MAP3K7CL: variants seen among roughly 807,000 people sequenced by gnomAD.
MAP3K7CL encodes MAP3K7 C-terminal like.
In MAP3K7CL, 16 loss-of-function variants were observed where a neutral mutation model predicts 18.6. The ratio of observed to expected loss-of-function variants is 0.86; its 90% CI spans 0.58 to 1.31. MAP3K7CL has a LOEUF of 1.31. MAP3K7CL is among the 50% of genes most tolerant of loss of function. The pLI, the probability that MAP3K7CL is intolerant of heterozygous loss-of-function variation, is 0.00. For missense variants in MAP3K7CL, 163 were observed against 174.4 expected (o/e 0.93, Z 0.37); for synonymous variants, 65 against 66.8 (o/e 0.97, Z 0.13).
intron 1 of MAP3K7CL, 63 bp from the exon 2 acceptor site, chr21:29,133,243 C>T: frequency 2.4e-6 from 3 of 1,246,056 alleles, no homozygotes; most frequent in South Asian, 2.8e-5. Flanking sequence ...TTTCCAAGGG[C>T]CTCTGAGTAT....
chr21:29,101,188 G>A (rs1309030801), intron 4 of MAP3K7CL, among the ~76,000 whole-genome samples: 1 of 152,130 alleles, frequency 6.6e-6, no homozygotes, highest in Non-Finnish European at 1.5e-5. Context: ...CTACTACAAA[G>A]CTGCATGATA....
intron 3 of MAP3K7CL, among the ~76,000 whole-genome samples, chr21:29,153,633 G>A (rs1235238832): frequency 1.3e-5 from 2 of 152,060 alleles, no homozygotes; most frequent in African/African-American, 4.8e-5. Flanking sequence ...ATTTTTTGTA[G>A]AGATGGGGTT....
At chr21:29,119,127 C>A (rs2086551514) in intron 4 of MAP3K7CL, among the ~76,000 whole-genome samples, 1 of 152,216 alleles carries the variant, frequency 6.6e-6, no homozygotes, top group African/African-American at 2.4e-5. Flanking sequence ...ACACAAATAC[C>A]CTTTCTCTGC....
chr21:29,141,487 T>C (rs976179630), intron 2 of MAP3K7CL, among the ~76,000 whole-genome samples: 5 of 149,252 alleles, frequency 3.4e-5, no homozygotes, highest in African/African-American at 1.2e-4. Flanking sequence ...CACTCCAGCC[T>C]GGGTGACACA....
chr21:29,089,704 A>G (rs2085988852), intron 1 of MAP3K7CL, among the ~76,000 whole-genome samples: 1 of 152,220 alleles, frequency 6.6e-6, no homozygotes, highest in South Asian at 2.1e-4. Flanking sequence ...ATAAATCTCT[A>G]GGCTGAGTTT....
chr21:29,173,601 C>G (rs1466045234), intron 4 of MAP3K7CL, among the ~76,000 whole-genome samples: 2 of 152,192 alleles, frequency 1.3e-5, no homozygotes, highest in African/African-American at 4.8e-5. Context: ...TAGATTTTGT[C>G]TAGGTTAGGA....
At chr21:29,112,037 C>G (rs868061265) in intron 4 of MAP3K7CL, among the ~76,000 whole-genome samples, 41 of 152,276 alleles carry the variant, frequency 2.7e-4, no homozygotes, top group African/African-American at 8.7e-4. Flanking sequence ...TGGCTCACAC[C>G]TGTAATCCCA....
intron 1 of MAP3K7CL, among the ~76,000 whole-genome samples, chr21:29,088,289 T>A (rs1035218732): frequency 2.6e-5 from 4 of 152,208 alleles, no homozygotes; most frequent in Non-Finnish European, 4.4e-5. Flanking sequence ...AATGTAACCA[T>A]AAGAAAAAGC....
intron 4 of MAP3K7CL, among the ~76,000 whole-genome samples, chr21:29,108,536 T>TA (rs951006133): frequency 7.9e-5 from 12 of 152,168 alleles, no homozygotes; most frequent in Admixed American, 2.0e-4. Flanking sequence ...CAGTAGTATA[T>TA]AAAAAAATAC....
chr21:29,096,257 T>A (rs1267915508), intron 4 of MAP3K7CL, among the ~76,000 whole-genome samples: 1 of 152,210 alleles, frequency 6.6e-6, no homozygotes. Flanking sequence ...AAAATATACC[T>A]TAGGTGCGTA....
At chr21:29,134,772 G>A (rs536309764) in intron 2 of MAP3K7CL, among the ~76,000 whole-genome samples, 3 of 152,074 alleles carry the variant, frequency 2.0e-5, no homozygotes, top group Non-Finnish European at 4.4e-5. Context: ...CCATGCAGCC[G>A]GGCACGGTGG....
chr21:29,167,478 C>T (rs2087717582), intron 4 of MAP3K7CL, among the ~76,000 whole-genome samples: 1 of 151,812 alleles, frequency 6.6e-6, no homozygotes, highest in Non-Finnish European at 1.5e-5. Flanking sequence ...AAAATTAGTG[C>T]AATTTTGATT....
At position 29,109,240 on chromosome 21, in the gene MAP3K7CL, GA is replaced by G. The variant is rs2086378341; in HGVS notation, c.370+16662del. ...AAGTGCTATGAGCTCCGAGGAAGAAGAAATTCCATATATACAACCAGATAGT... is the reference window on the plus strand; with the variant it reads ...AAGTGCTATGAGCTCCGAGGAAGAAGAATTCCATATATACAACCAGATAGT... On this transcript the variant is annotated intron_variant, in intron 4 of 6. Coordinates refer to the MAP3K7CL transcript ENST00000286791. 2.0e-6 allele frequency: 3 copies of G among 1,535,102 alleles called. No individual in the cohort carries two copies. The African/African-American group carries it at 4.1e-5, about 21-fold the overall frequency.
chr21:29,109,112 C>A (rs1038906234), intron 4 of MAP3K7CL: 1 of 1,535,180 alleles, frequency 6.5e-7, no homozygotes, highest in African/African-American at 1.4e-5. Flanking sequence ...ATTATGAAGA[C>A]CACCTGGGCC....
intron 1 of MAP3K7CL, among the ~76,000 whole-genome samples, chr21:29,087,471 C>G (rs2085944087): frequency 6.6e-6 from 1 of 151,984 alleles, no homozygotes; most frequent in South Asian, 2.1e-4. Context: ...AATGAATGAA[C>G]CTCAGTTTTT....
intron 4 of MAP3K7CL, among the ~76,000 whole-genome samples, chr21:29,099,876 G>T (rs1306656769): frequency 6.6e-6 from 1 of 152,056 alleles, no homozygotes; most frequent in East Asian, 1.9e-4. Context: ...GAGGTCAGGA[G>T]ATCGACACCA....
intron 4 of MAP3K7CL, among the ~76,000 whole-genome samples, chr21:29,117,016 G>A (rs1031920264): frequency 3.3e-5 from 5 of 152,094 alleles, no homozygotes; most frequent in African/African-American, 1.2e-4. Flanking sequence ...TTATTGTCAT[G>A]CTCACCTTGA....
At chr21:29,085,850 A>G, upstream of MAP3K7CL, 1 of 1,614,116 alleles carries the variant, frequency 6.2e-7, no homozygotes, top group Non-Finnish European at 8.5e-7. Flanking sequence ...ACTGTCATGC[A>G]AAGCGACTAG....
intron 4 of MAP3K7CL, among the ~76,000 whole-genome samples, chr21:29,174,061 A>G (rs60268053): frequency 0.03 from 4,499 of 152,274 alleles, 226 homozygotes; most frequent in African/African-American, 0.1. Flanking sequence ...ACTAAGAACT[A>G]AGTTTCTTTA....
Sources: gnomAD v4.1 joint callset for allele counts (sites outside exome capture counted in the v4.1 genomes callset) on GRCh38, gnomAD v4.1.1 for gene constraint, MANE v1.5 for transcripts, NCBI Gene and HGNC (gene_info 2026-07-23, HGNC 2026-07-21) for gene names.